Variants in NEK7 observed in about 807,000 individuals in gnomAD.
NEK7 encodes NIMA related kinase 7, also known as serine/threonine-protein kinase Nek7.
A neutral mutation model predicts 44.6 loss-of-function variants in NEK7; 18 were observed. That is an observed-to-expected ratio of 0.40 (90% CI 0.28 to 0.60). The LOEUF (loss-of-function observed/expected upper bound fraction) is 0.60. NEK7 is among the 20% of genes least tolerant of loss of function. The probability of loss-of-function intolerance (pLI) is 0.38; values close to 1 mark genes in which losing one functional copy is unlikely to be tolerated. For missense variants in NEK7, 256 were observed against 366.5 expected (o/e 0.70, Z 2.46); for synonymous variants, 130 against 121.1 (o/e 1.07, Z -0.48).
chr1:198,236,258 T>C (rs1666542787), intron 2 of NEK7, among the ~76,000 whole-genome samples: 1 of 152,210 alleles, frequency 6.6e-6, no homozygotes, highest in African/African-American at 2.4e-5. Context: ...TAAACTGATT[T>C]TGCCAAGGTG....
In NEK7 at chr1:198,192,563, A is replaced by T. The variant is rs75085226; in HGVS notation, c.-29+35287A>T. Among the ~76,000 whole-genome samples, 697 of 152,212 alleles carry T rather than the reference A, an allele frequency of 4.6e-3. 7 individuals are homozygous for T. The highest frequency in any genetic ancestry group is 0.016 in the African/African-American group (667 of 41,538). ...TAGTTGGAGGCAATTTGAGGGGAAG[A>T]TGTGTAGTACTTCTCAGCAAATGCA... On this transcript the variant is annotated intron_variant, in intron 1 of 9. Coordinates refer to ENST00000367385, the MANE Select transcript of NEK7 (RefSeq NM_133494.3).
Position 198,253,160 on chromosome 1 carries a change from G to A in NEK7, c.178G>A (p.Val60Ile). 1 of 1,605,450 alleles carries A rather than the reference G, an allele frequency of 6.2e-7. No individual in the cohort carries two copies. Among genetic ancestry groups the A allele is most frequent in the Non-Finnish European group, 8.5e-7 (1 of 1,175,404 alleles). Residue 60 changes from valine (V) to isoleucine (I), a missense_variant, in exon 3 of 10, where the codon GTA becomes ATA. Val to Ile is a conservative substitution (Grantham distance 29). Around this residue, in one of 3 missense-constraint regions of NEK7, gnomAD observed 96 missense variants for 94.9 expected, o/e 1.01. Coordinates refer to ENST00000367385, the MANE Select transcript of NEK7 (RefSeq NM_133494.3). Reference protein sequence around the residue: ...RAACLLDGVPVALKKVQIFDL... With the variant: ...RAACLLDGVPIALKKVQIFDL... ...AGCCTGTCTCTTGGATGGAGTACCA[G>A]TAGCTTTAAAAAAAGTGCAGGTAAG...
intron 1 of NEK7, among the ~76,000 whole-genome samples, chr1:198,227,971 A>T (rs1035498782): frequency 1.3e-5 from 2 of 152,100 alleles, no homozygotes; most frequent in Non-Finnish European, 2.9e-5. Flanking sequence ...GGTATTGCCT[A>T]GGTTTTCTTC....
At chr1:198,255,444 G>A (rs951566914) in intron 3 of NEK7, among the ~76,000 whole-genome samples, 1 of 152,048 alleles carries the variant, frequency 6.6e-6, no homozygotes, top group African/African-American at 2.4e-5. Context: ...TCTGTCTCTA[G>A]TGATTATATT....
intron 2 of NEK7, among the ~76,000 whole-genome samples, chr1:198,249,137 G>C (rs1268049535): frequency 4.1e-5 from 6 of 148,134 alleles, no homozygotes; most frequent in African/African-American, 1.5e-4. Context: ...GAGAATATGC[G>C]GTGTTTGGTT....
chr1:198,261,814 C>A (rs983354531), intron 3 of NEK7, among the ~76,000 whole-genome samples: 4 of 151,684 alleles, frequency 2.6e-5, no homozygotes, highest in African/African-American at 7.3e-5. Context: ...TATTTTTCAA[C>A]CTTTTCTTCA....
intron 5 of NEK7, among the ~76,000 whole-genome samples, chr1:198,268,712 A>G (rs1653738767): frequency 6.6e-6 from 1 of 152,116 alleles, no homozygotes; most frequent in African/African-American, 2.4e-5. Context: ...GCCTTGTGTG[A>G]TACAGAAGAT....
chr1:198,268,595 G>A (rs914749750), intron 5 of NEK7, among the ~76,000 whole-genome samples: 3 of 151,984 alleles, frequency 2.0e-5, no homozygotes, highest in Non-Finnish European at 4.4e-5. Flanking sequence ...TCTTTAAGAC[G>A]TTAGAAGGGA....
chr1:198,237,555 C>G (rs1482455879), intron 2 of NEK7, among the ~76,000 whole-genome samples: 1 of 152,166 alleles, frequency 6.6e-6, no homozygotes, highest in African/African-American at 2.4e-5. Context: ...TAGCAGATAC[C>G]AGAGGCCGAA....
chr1:198,188,965 C>G (rs969049099), intron 1 of NEK7, among the ~76,000 whole-genome samples: 2 of 152,074 alleles, frequency 1.3e-5, no homozygotes, highest in African/African-American at 4.8e-5. Context: ...TTTTCTTTTA[C>G]TATCCTAAAT....
At chr1:198,266,206 A>G (rs945754860) in intron 5 of NEK7, among the ~76,000 whole-genome samples, 1 of 152,104 alleles carries the variant, frequency 6.6e-6, no homozygotes, top group African/African-American at 2.4e-5. Flanking sequence ...ACAAAGCCTT[A>G]TCTACATCAA....
At chr1:198,176,274 A>T (rs1023078707) in intron 1 of NEK7, among the ~76,000 whole-genome samples, 4 of 152,198 alleles carry the variant, frequency 2.6e-5, no homozygotes, top group Non-Finnish European at 4.4e-5. Flanking sequence ...CAGACAACTG[A>T]TTCATTTAAA....
At chr1:198,313,218 T>C (rs1217478490) in intron 9 of NEK7, among the ~76,000 whole-genome samples, 2 of 152,342 alleles carry the variant, frequency 1.3e-5, no homozygotes, top group South Asian at 4.1e-4. Context: ...TCTTTTGATC[T>C]TTGTTGGTTT....
chr1:198,293,170 G>A, intron 8 of NEK7, 131 bp downstream of exon 8: 1 of 554,102 alleles, frequency 1.8e-6, no homozygotes, highest in Non-Finnish European at 3.2e-6. Context: ...AATTTTCGTT[G>A]GGTTAATAAC....
intron 7 of NEK7, among the ~76,000 whole-genome samples, chr1:198,281,099 G>A (rs977136922): frequency 1.3e-5 from 2 of 151,784 alleles, no homozygotes; most frequent in Non-Finnish European, 2.9e-5. Flanking sequence ...AGTCTACTAA[G>A]GCTCTTTGGA....
chr1:198,312,885 T>C (rs1462856116), intron 9 of NEK7, among the ~76,000 whole-genome samples: 1 of 152,188 alleles, frequency 6.6e-6, no homozygotes, highest in African/African-American at 2.4e-5. Flanking sequence ...GGAATAGGTG[T>C]GGCGTGGTGC....
At chr1:198,304,215 A>G (rs1034533093) in intron 9 of NEK7, among the ~76,000 whole-genome samples, 2 of 152,164 alleles carry the variant, frequency 1.3e-5, no homozygotes, top group African/African-American at 2.4e-5. Flanking sequence ...TTTCTGTAAG[A>G]CTTTCACAGT....
At chr1:198,242,555 G>A (rs1210021620) in intron 2 of NEK7, among the ~76,000 whole-genome samples, 1 of 148,404 alleles carries the variant, frequency 6.7e-6, no homozygotes, top group Non-Finnish European at 1.5e-5. Flanking sequence ...TCCACCTCCC[G>A]GGTTCAGGCC....
intron 8 of NEK7, among the ~76,000 whole-genome samples, chr1:198,295,086 T>G (rs940033526): frequency 1.5e-5 from 2 of 137,076 alleles, no homozygotes; most frequent in Non-Finnish European, 3.1e-5. Flanking sequence ...TCCTGAAACC[T>G]CAAAAAAAAA....
Sources: gnomAD v4.1 joint callset for allele counts (sites outside exome capture counted in the v4.1 genomes callset) on GRCh38, gnomAD v4.1.1 for gene constraint, gnomAD v4.1.1 regional missense constraint, MANE v1.5 for transcripts, NCBI Gene and HGNC (gene_info 2026-07-23, HGNC 2026-07-21) for gene names.